The following ANTXR2 variants were observed in gnomAD, a reference collection of about 807,000 sequenced individuals.
ANTXR2 encodes ANTXR cell adhesion molecule 2, also known as anthrax toxin receptor 2.
ANTXR2 carries 44 observed loss-of-function variants against 73.7 expected under a neutral mutation model. That is an observed-to-expected ratio of 0.60 (90% CI 0.47 to 0.77). ANTXR2 has a LOEUF of 0.77. Ranked by LOEUF, ANTXR2 falls within the 30% of genes least tolerant of loss-of-function variation. The pLI is 0.00. For synonymous variants in ANTXR2, 217 were observed against 205.9 expected (o/e 1.05, Z -0.46); for missense variants, 604 against 592.5 (o/e 1.02, Z -0.20).
At chr4:79,985,578 C>A (rs139078930) in intron 12 of ANTXR2, among the ~76,000 whole-genome samples, 5 of 152,124 alleles carry the variant, frequency 3.3e-5, no homozygotes, top group African/African-American at 1.2e-4. Context: ...AGCTGATCCC[C>A]AGCTATTTCA....
intron 16 of ANTXR2, among the ~76,000 whole-genome samples, chr4:79,950,561 T>C (rs927579334): frequency 3.9e-5 from 6 of 152,108 alleles, no homozygotes; most frequent in Non-Finnish European, 7.4e-5. Flanking sequence ...TTCCATGCTA[T>C]CAAAAATGGC....
intron 16 of ANTXR2, among the ~76,000 whole-genome samples, chr4:79,957,640 A>C (rs1038922689): frequency 6.6e-6 from 1 of 152,122 alleles, no homozygotes; most frequent in Admixed American, 6.6e-5. Context: ...AAATAAATGG[A>C]GAACATGAGA....
intron 16 of ANTXR2, among the ~76,000 whole-genome samples, chr4:79,915,575 GT>G (rs1560849575): frequency 6.6e-6 from 1 of 151,964 alleles, no homozygotes; most frequent in East Asian, 1.9e-4. Context: ...CTAAAAAAAG[GT>G]TACTAAACCT....
intron 7 of ANTXR2, among the ~76,000 whole-genome samples, chr4:80,041,063 G>C (rs1226079800): frequency 6.6e-6 from 1 of 152,006 alleles, no homozygotes; most frequent in Admixed American, 6.6e-5. Flanking sequence ...TATGCTAAGT[G>C]CTTTTTATGA....
chr4:80,061,108 A>C (rs1734230221), intron 3 of ANTXR2, among the ~76,000 whole-genome samples: 1 of 152,156 alleles, frequency 6.6e-6, no homozygotes, highest in African/African-American at 2.4e-5. Context: ...CAAAGTTTTC[A>C]TATGACAGAT....
intron 16 of ANTXR2, among the ~76,000 whole-genome samples, chr4:79,954,444 C>T (rs1362192604): frequency 6.6e-6 from 1 of 151,872 alleles, no homozygotes; most frequent in Non-Finnish European, 1.5e-5. Context: ...TATTAAGGGC[C>T]TAAAAATTTG....
At chr4:79,947,896 A>T (rs1433353918) in intron 16 of ANTXR2, among the ~76,000 whole-genome samples, 1 of 152,144 alleles carries the variant, frequency 6.6e-6, no homozygotes, top group African/African-American at 2.4e-5. Flanking sequence ...TACTGTTATA[A>T]AATTATACTT....
At chr4:80,059,290 A>T (rs1734135549) in intron 3 of ANTXR2, among the ~76,000 whole-genome samples, 1 of 150,438 alleles carries the variant, frequency 6.6e-6, no homozygotes, top group African/African-American at 2.4e-5. Context: ...AACTGGAGGG[A>T]AAAAGAGAAA....
intron 13 of ANTXR2, 51 bp from the exon 14 acceptor site, chr4:79,984,021 G>C: frequency 7.7e-7 from 1 of 1,294,244 alleles, no homozygotes; most frequent in Non-Finnish European, 1.1e-6. Flanking sequence ...TTAAAATACT[G>C]TTTAGTCGGA....
chr4:79,950,281 C>T (rs1411297790), intron 16 of ANTXR2, among the ~76,000 whole-genome samples: 1 of 152,088 alleles, frequency 6.6e-6, no homozygotes, highest in Non-Finnish European at 1.5e-5. Context: ...TTATTTAACA[C>T]CCATTTTTCA....
chr4:80,004,089 G>A (rs1371064213), intron 12 of ANTXR2, among the ~76,000 whole-genome samples: 2 of 151,534 alleles, frequency 1.3e-5, no homozygotes, highest in Non-Finnish European at 2.9e-5. Flanking sequence ...AAAACAGAGT[G>A]GACTACGACT....
intron 11 of ANTXR2, among the ~76,000 whole-genome samples, chr4:80,010,509 T>TA (rs1731519812): frequency 6.6e-6 from 1 of 152,216 alleles, no homozygotes; most frequent in African/African-American, 2.4e-5. Flanking sequence ...GGCTGTGCTA[T>TA]ACAGCTTTCA....
chr4:79,981,486 T>C (rs758577220), intron 14 of ANTXR2, among the ~76,000 whole-genome samples: 16 of 152,230 alleles, frequency 1.1e-4, no homozygotes, highest in Non-Finnish European at 1.8e-4. Flanking sequence ...ACACCTTATA[T>C]ACATATTCTT....
At chr4:80,020,110 G>A (rs1225743406) in intron 10 of ANTXR2, among the ~76,000 whole-genome samples, 1 of 152,204 alleles carries the variant, frequency 6.6e-6, no homozygotes, top group Admixed American at 6.5e-5. Context: ...AGGCATGGTG[G>A]CTCACGCCTA....
intron 2 of ANTXR2, among the ~76,000 whole-genome samples, chr4:80,071,113 A>C (rs1734766108): frequency 6.6e-6 from 1 of 152,198 alleles, no homozygotes; most frequent in African/African-American, 2.4e-5. Context: ...CGTTGCTTTA[A>C]ACACACACAC....
chr4:80,071,587 C>T lies in ANTXR2; in HGVS notation c.220G>A (p.Val74Met), dbSNP rs1337770902. 1.9e-6 allele frequency: 3 copies of T among 1,610,852 alleles called. No homozygotes were observed. The highest frequency in any genetic ancestry group is 2.5e-6 in the Non-Finnish European group (3 of 1,177,066). Residue 74 changes from valine (V) to methionine (M), a missense_variant, in exon 2 of 17, where the codon GTG becomes ATG. By Grantham distance (21) the Val-to-Met change is conservative. Transcript: ENST00000403729. ...NFVQQLAERF[V>M]SPEMRLSFIV... Reference sequence around the variant, plus strand: ...AAAGTAAAGTAAGAAAGATACCTCACAAATCTCTCCGCAAGTTGCTGTACG... The same window carrying T: ...AAAGTAAAGTAAGAAAGATACCTCATAAATCTCTCCGCAAGTTGCTGTACG...
intron 10 of ANTXR2, among the ~76,000 whole-genome samples, chr4:80,023,763 C>T (rs1323099306): frequency 6.6e-6 from 1 of 152,100 alleles, no homozygotes; most frequent in Non-Finnish European, 1.5e-5. Flanking sequence ...AGGGACAGAA[C>T]AGTCAAGGCA....
chr4:80,009,283 T>C (rs891504491), intron 11 of ANTXR2, among the ~76,000 whole-genome samples: 3 of 152,152 alleles, frequency 2.0e-5, no homozygotes, highest in Non-Finnish European at 4.4e-5. Flanking sequence ...AACCCTTTCA[T>C]ATAAAAACCA....
At chr4:80,002,931 G>T (rs1305343313) in intron 12 of ANTXR2, among the ~76,000 whole-genome samples, 1 of 138,222 alleles carries the variant, frequency 7.2e-6, no homozygotes, top group African/African-American at 2.5e-5. Context: ...GAGAGGATGT[G>T]GAGAAATAGG....
Sources: allele counts gnomAD v4.1 joint callset (sites outside exome capture counted in the v4.1 genomes callset), GRCh38; gene constraint gnomAD v4.1.1; transcripts MANE v1.5; gene names NCBI Gene and HGNC (gene_info 2026-07-23, HGNC 2026-07-21).